STARD3: variants seen among roughly 807,000 people sequenced by gnomAD.
The protein encoded by STARD3 is stAR-related lipid transfer protein 3.
Under a neutral mutation model 62.0 loss-of-function variants are expected in STARD3, and 39 were observed. The ratio of observed to expected loss-of-function variants is 0.63; its 90% CI spans 0.49 to 0.82. STARD3 has a LOEUF of 0.82. Among genes scored for constraint, STARD3 ranks in the 40% least tolerant of loss-of-function variants. The pLI, the probability that STARD3 is intolerant of heterozygous loss-of-function variation, is 0.00. For missense variants in STARD3, 543 were observed against 584.5 expected (o/e 0.93, Z 0.73); for synonymous variants, 229 against 242.4 (o/e 0.94, Z 0.51).
rs2057172608 is a variant in STARD3 at position 39,659,606 on chromosome 17, C to G, written c.795+53C>G. On this transcript the variant is annotated intron_variant, in intron 9 of 14. Transcript: ENST00000336308. ...CCCATGCGTGTTAGGAGTTTCTGTTCTCTTTTCTGAGGCCTGAGGAAGAAA... is the reference window on the plus strand; with the variant it reads ...CCCATGCGTGTTAGGAGTTTCTGTTGTCTTTTCTGAGGCCTGAGGAAGAAA... 59 of 1,579,608 alleles carry G rather than the reference C, an allele frequency of 3.7e-5. No homozygotes were observed. The Middle Eastern group carries it at 5.0e-4, about 13-fold the overall frequency.
Position 39,660,872 on chromosome 17 carries a change from C to T in STARD3, c.1017C>T (p.Gly339=), listed in dbSNP as rs776385927. 1.6e-5 allele frequency: 26 copies of T among 1,599,942 alleles called. No individual in the cohort carries two copies. Among genetic ancestry groups the T allele is most frequent in the African/African-American group, 8.0e-5 (6 of 74,642 alleles). The change falls in exon 12 of 15, where the codon GGC becomes GGT. Residue 339 remains glycine (G), a synonymous_variant. Transcript: ENST00000336308. This position sits in a 1 kb window ranked among gnomAD's most constrained non-coding sequence, Gnocchi z 4.8. ...ATGACGTGTCTGCAGGGGCTGCGGG[C>T]GGCGTGGTCTCCCCAAGGTGAGTCC... ...ISYDVSAGAA[G]GVVSPRDFVN...
At chr17:39,648,727 G>GC (rs2057049964) in intron 1 of STARD3, among the ~76,000 whole-genome samples, 1 of 152,066 alleles carries the variant, frequency 6.6e-6, no homozygotes, top group African/African-American at 2.4e-5. Context: ...CTGCCTTCGA[G>GC]CCCCCATGCT....
At chr17:39,657,236 C>T in intron 3 of STARD3, 151 bp downstream of exon 3, 2 of 778,666 alleles carry the variant, frequency 2.6e-6, no homozygotes, top group South Asian at 1.7e-5. Context: ...AAAACCTTTG[C>T]TCCACAAGGC....
chr17:39,662,904 C>T lies in STARD3; in HGVS notation c.1334C>T (p.Ala445Val), dbSNP rs754445327. 1.8e-5 allele frequency: 29 copies of T among 1,610,062 alleles called. 1 individual carries two copies. In the East Asian group the frequency reaches 2.2e-4, roughly 12 times the overall value. ...RQRISELGAR[A>V] The stretch of plus-strand genomic sequence containing the variant: ...CGCATCAGCGAGCTGGGGGCCCGGG[C>T]GTGACTGTGCCCCCTCCCACCCTGC... Residue 445 changes from alanine (A) to valine (V), a missense_variant, in exon 15 of 15, where the codon GCG (alanine) becomes GTG (valine). Coordinates refer to ENST00000336308, the MANE Select transcript of STARD3 (RefSeq NM_006804.4).
At chr17:39,655,348 TA>T (rs1801709662) in intron 2 of STARD3, among the ~76,000 whole-genome samples, 1 of 147,638 alleles carries the variant, frequency 6.8e-6, no homozygotes, top group Non-Finnish European at 1.5e-5. Flanking sequence ...CACATTTGGC[TA>T]TTTTTTTTTT....
chr17:39,659,173 G>T (rs1469706456), intron 8 of STARD3, 67 bp downstream of exon 8: 3 of 1,597,624 alleles, frequency 1.9e-6, no homozygotes, highest in African/African-American at 1.3e-5. Flanking sequence ...GGGTGCAGGG[G>T]TCAGCCGGGG....
At chr17:39,640,533 T>C (rs1444558665) in intron 1 of STARD3, among the ~76,000 whole-genome samples, 1 of 141,314 alleles carries the variant, frequency 7.1e-6, no homozygotes, top group Non-Finnish European at 1.6e-5. Context: ...CCTTGTCCCT[T>C]GCCCTATGGG....
At chr17:39,654,562 C>A (rs1278507862) in intron 2 of STARD3, among the ~76,000 whole-genome samples, 1 of 150,318 alleles carries the variant, frequency 6.7e-6, no homozygotes, top group Non-Finnish European at 1.5e-5. Context: ...GGAACACAGT[C>A]TAGTTGGCAG....
chr17:39,658,739 G>C lies in STARD3; in HGVS notation c.565G>C (p.Val189Leu), dbSNP rs1384626422. 4.3e-6 allele frequency: 7 copies of C among 1,613,994 alleles called. No homozygotes were observed. The highest frequency in any genetic ancestry group is 5.9e-6 in the Non-Finnish European group (7 of 1,179,990). ...EEERWYLAAQVAVARGPLLFS... is the reference protein window; with the variant it reads ...EEERWYLAAQLAVARGPLLFS... Reference sequence around the variant, plus strand: ...TCCTCCAGGGTATCTTGCCGCCCAGGTTGCTGTTGCCCGTGGACCCCTGCT... The same window carrying C: ...TCCTCCAGGGTATCTTGCCGCCCAGCTTGCTGTTGCCCGTGGACCCCTGCT... Residue 189 changes from valine to leucine, a missense_variant, in exon 7 of 15, where the codon GTT (valine) becomes CTT (leucine). Transcript: ENST00000336308.
rs2145042332 is a variant in STARD3, at chr17:39,660,845, C to T, written c.990C>T (p.Ser330=). ...LQRVEDNTLI[S]YDVSAGAAGG... Reference sequence around the variant, plus strand: ...GAGTGGAAGACAACACCCTCATCTCCTATGACGTGTCTGCAGGGGCTGCGG... The same window carrying T: ...GAGTGGAAGACAACACCCTCATCTCTTATGACGTGTCTGCAGGGGCTGCGG... The change falls in exon 12 of 15, where the codon TCC becomes TCT. Residue 330 remains serine, a synonymous_variant. Transcript: ENST00000336308. This position sits in a 1 kb window ranked among gnomAD's most constrained non-coding sequence, Gnocchi z 4.8. 6.3e-7 allele frequency: 1 copy of T among 1,599,348 alleles called. No homozygotes were observed. The highest frequency in any genetic ancestry group is 1.1e-5 in the South Asian group (1 of 89,134).
intron 2 of STARD3, chr17:39,656,787 G>A (rs2057134507): frequency 9.2e-6 from 5 of 543,768 alleles, no homozygotes; most frequent in Admixed American, 3.2e-5. Flanking sequence ...CCTGCCCATC[G>A]GGGCGGCCTG....
chr17:39,644,899 A>G (rs1362846115), intron 1 of STARD3, among the ~76,000 whole-genome samples: 2 of 151,186 alleles, frequency 1.3e-5, no homozygotes, highest in African/African-American at 4.9e-5. Context: ...GGAAACGCCT[A>G]CTGAGAGCTG....
chr17:39,645,661 G>C (rs1479165178), intron 1 of STARD3, among the ~76,000 whole-genome samples: 1 of 152,022 alleles, frequency 6.6e-6, no homozygotes, highest in South Asian at 2.1e-4. Context: ...TAGTAGAGAC[G>C]AGGTTTCAGC....
Position 39,660,616 on chromosome 17 carries a change from C to G in STARD3, c.954+90C>G. On this transcript the variant is annotated intron_variant, in intron 11 of 14. Coordinates refer to ENST00000336308, the MANE Select transcript of STARD3 (RefSeq NM_006804.4). The surrounding 1 kb of genome is among the most constrained non-coding windows in gnomAD (Gnocchi z 4.8). ...CTGAAGCACTCAGCGCCTCAGCTGC[C>G]CCATCTGTACAGTGGGTGTGATGGT... is the stretch of plus-strand genomic sequence containing the variant. 2 of 1,458,048 alleles carry G rather than the reference C, an allele frequency of 1.4e-6. No homozygotes were observed. Among genetic ancestry groups the G allele is most frequent in the Non-Finnish European group, 9.6e-7 (1 of 1,044,582 alleles). 90.3% of individuals were successfully genotyped at this position (1,458,048 alleles called of 1,614,324 possible).
At position 39,660,752 on chromosome 17, in the gene STARD3, C is replaced by CATCCCTGGGGTTTTCCT. The variant is rs2057187805; in HGVS notation, c.955-57_955-41dup. ...TTAGTAAAGGGGCCTGGGGTGTTCC[C>CATCCCTGGGGTTTTCCT]ATCCCTGGGGTTTTCCTGGGGCGAC... On this transcript the variant is annotated intron_variant, in intron 11 of 14. Transcript: ENST00000336308. This position sits in a 1 kb window ranked among gnomAD's most constrained non-coding sequence, Gnocchi z 4.8. 1 of 1,534,860 alleles carries CATCCCTGGGGTTTTCCT rather than the reference C, an allele frequency of 6.5e-7. No homozygotes were observed. Among genetic ancestry groups the CATCCCTGGGGTTTTCCT allele is most frequent in the African/African-American group, 1.4e-5 (1 of 72,686 alleles).
intron 1 of STARD3, among the ~76,000 whole-genome samples, chr17:39,643,490 C>T (rs1027226807): frequency 5.3e-5 from 8 of 152,130 alleles, no homozygotes; most frequent in Non-Finnish European, 7.4e-5. Context: ...ATGGTGCCAC[C>T]GCAGGCCATG....
chr17:39,653,723 C>T lies in STARD3; in HGVS notation c.192C>T (p.Ile64=). ...TCGTCACCTTCGACCTGCTCTTCATCTCCCTGCTCTGGATCATCGAACTGA... is the reference window on the plus strand; with the variant it reads ...TCGTCACCTTCGACCTGCTCTTCATTTCCCTGCTCTGGATCATCGAACTGA... The part of the protein sequence containing the change: ...CLFVTFDLLF[I]SLLWIIELNT... The change falls in exon 2 of 15, where the codon ATC becomes ATT. Residue 64 remains isoleucine (I), a synonymous_variant. Coordinates refer to ENST00000336308, the MANE Select transcript of STARD3 (RefSeq NM_006804.4). The T allele has an allele frequency of 6.2e-7, 1 of 1,614,180 alleles. No homozygotes were observed. The highest frequency in any genetic ancestry group is 8.5e-7 in the Non-Finnish European group (1 of 1,180,032).
chr17:39,660,875 C>T lies in STARD3; in HGVS notation c.1020C>T (p.Gly340=), dbSNP rs893233352. The T allele has an allele frequency of 1.2e-6, 2 of 1,600,776 alleles. No individual in the cohort carries two copies. The highest frequency in any genetic ancestry group is 1.7e-6 in the Non-Finnish European group (2 of 1,171,398). The change falls in exon 12 of 15, where the codon GGC becomes GGT. Residue 340 remains glycine, a synonymous_variant. Transcript: ENST00000336308. The surrounding 1 kb of genome is among the most constrained non-coding windows in gnomAD (Gnocchi z 4.8). ...SYDVSAGAAG[G]VVSPRDFVNV... is the part of the protein sequence containing the mutation. ...ACGTGTCTGCAGGGGCTGCGGGCGG[C>T]GTGGTCTCCCCAAGGTGAGTCCATG...
Position 39,656,879 on chromosome 17 carries a change from G to A in STARD3, c.220-129G>A. Reference sequence around the variant, plus strand: ...TTGGTGCTTCCAGGGCCCCCTGGGTGGTGGCTTAGCATCAACAGCCTCCCC... The same window carrying A: ...TTGGTGCTTCCAGGGCCCCCTGGGTAGTGGCTTAGCATCAACAGCCTCCCC... On this transcript the variant is annotated intron_variant, in intron 2 of 14. Coordinates refer to ENST00000336308, the MANE Select transcript of STARD3 (RefSeq NM_006804.4). 3.6e-6 allele frequency: 3 copies of A among 824,390 alleles called. 1 individual carries two copies. The highest frequency in any genetic ancestry group is 3.2e-5 in the South Asian group (2 of 62,922). 51.1% of individuals were successfully genotyped at this position (824,390 alleles called of 1,614,324 possible).
Sources: gnomAD v4.1 joint callset for allele counts (sites outside exome capture counted in the v4.1 genomes callset) on GRCh38, gnomAD v4.1.1 for gene constraint, Gnocchi (gnomAD v3.1) non-coding constraint, MANE v1.5 for transcripts, NCBI Gene and HGNC (gene_info 2026-07-23, HGNC 2026-07-21) for gene names.